Variants in SLC24A4 observed in about 807,000 individuals in gnomAD.
The protein encoded by SLC24A4 is solute carrier family 24 member 4.
Under a neutral mutation model 79.0 loss-of-function variants are expected in SLC24A4, and 53 were observed. The observed-to-expected ratio is 0.67, with a 90% CI of 0.54 to 0.84. The LOEUF (loss-of-function observed/expected upper bound fraction) is 0.84. Among genes scored for constraint, SLC24A4 ranks in the 40% least tolerant of loss-of-function variants. The probability of loss-of-function intolerance (pLI) is 0.00; values close to 1 mark genes in which losing one functional copy is unlikely to be tolerated. For missense variants in SLC24A4, 731 were observed against 822.0 expected (o/e 0.89, Z 1.35); for synonymous variants, 323 against 323.8 (o/e 1.00, Z 0.03).
intron 2 of SLC24A4, among the ~76,000 whole-genome samples, chr14:92,407,857 TTGTGTGTGTGTG>T (rs60398538): frequency 0.21 from 29,493 of 143,558 alleles, 3,125 homozygotes; most frequent in East Asian, 0.43. Context: ...CAGAGTGATA[TTGTGTGTGTGTG>T]TGTGTGTGTG....
intron 2 of SLC24A4, among the ~76,000 whole-genome samples, chr14:92,422,319 T>C (rs4900120): frequency 0.41 from 62,894 of 152,182 alleles, 13,252 homozygotes; most frequent in Non-Finnish European, 0.44. Flanking sequence ...TTCACACATA[T>C]GACTTTCACC....
At chr14:92,382,354 T>C (rs1270138798) in intron 2 of SLC24A4, among the ~76,000 whole-genome samples, 1 of 152,190 alleles carries the variant, frequency 6.6e-6, no homozygotes, top group Non-Finnish European at 1.5e-5. Context: ...GGCAAATCAG[T>C]TCACCTCTGT....
chr14:92,340,423 G>T (rs1010556908), intron 2 of SLC24A4, among the ~76,000 whole-genome samples: 1 of 152,252 alleles, frequency 6.6e-6, no homozygotes, highest in Non-Finnish European at 1.5e-5. Flanking sequence ...CTGGACAGAT[G>T]GGGAGGGTGG....
chr14:92,336,787 G>C (rs1049950323), intron 2 of SLC24A4, among the ~76,000 whole-genome samples: 1 of 151,876 alleles, frequency 6.6e-6, no homozygotes, highest in African/African-American at 2.4e-5. Flanking sequence ...CAGGGCAAGA[G>C]TGCCCTCCCT....
At chr14:92,343,604 CT>C (rs1208111836) in intron 2 of SLC24A4, among the ~76,000 whole-genome samples, 11 of 144,588 alleles carry the variant, frequency 7.6e-5, no homozygotes, top group African/African-American at 2.9e-4. Flanking sequence ...TTCTTTCTTT[CT>C]TTCTTTCTTT....
chr14:92,475,546 A>G (rs950649655), intron 12 of SLC24A4, among the ~76,000 whole-genome samples: 4 of 152,326 alleles, frequency 2.6e-5, no homozygotes, highest in South Asian at 2.1e-4. Flanking sequence ...AGAGATCACC[A>G]TGGGCTGGCG....
chr14:92,363,190 C>T (rs963915904), intron 2 of SLC24A4, among the ~76,000 whole-genome samples: 3 of 152,204 alleles, frequency 2.0e-5, no homozygotes, highest in Non-Finnish European at 2.9e-5. Context: ...GCCCGTGCCT[C>T]GAGGACCAGC....
intron 2 of SLC24A4, among the ~76,000 whole-genome samples, chr14:92,340,201 G>A: frequency 6.6e-6 from 1 of 152,266 alleles, no homozygotes. Context: ...GCACCCAGCA[G>A]GCACTTACTG....
At chr14:92,371,785 T>C (rs1258171656) in intron 2 of SLC24A4, among the ~76,000 whole-genome samples, 1 of 152,258 alleles carries the variant, frequency 6.6e-6, no homozygotes, top group Non-Finnish European at 1.5e-5. Flanking sequence ...TTCAGTATGA[T>C]GGCAGAATAA....
At chr14:92,472,653 T>C (rs953665479) in intron 12 of SLC24A4, among the ~76,000 whole-genome samples, 1 of 152,020 alleles carries the variant, frequency 6.6e-6, no homozygotes, top group Non-Finnish European at 1.5e-5. Context: ...TGTGCATATA[T>C]GTACACACCA....
At chr14:92,334,694 T>G (rs1885675069) in intron 2 of SLC24A4, among the ~76,000 whole-genome samples, 1 of 152,148 alleles carries the variant, frequency 6.6e-6, no homozygotes, top group Admixed American at 6.5e-5. Flanking sequence ...GAGTCCCAGC[T>G]CACCCCTTAC....
Position 92,421,547 on chromosome 14 carries a change from G to A in SLC24A4, c.242-12365G>A, listed in dbSNP as rs1010549152. Among the ~76,000 whole-genome samples, 12 of 151,860 alleles carry A rather than the reference G, an allele frequency of 7.9e-5. 1 individual carries two copies. In the South Asian group the frequency reaches 1.5e-3, roughly 18 times the overall value. On this transcript the variant is annotated intron_variant, in intron 2 of 16. Coordinates refer to ENST00000532405, the MANE Select transcript of SLC24A4 (RefSeq NM_153646.4). ...TTTTGAGACACAGTTTTACTCTGTC[G>A]CCCAGGCTGGAGTGCAGTGGCGTGA...
chr14:92,493,165 AG>A (rs945291563), intron 16 of SLC24A4, among the ~76,000 whole-genome samples: 1 of 152,124 alleles, frequency 6.6e-6, no homozygotes, highest in African/African-American at 2.4e-5. Flanking sequence ...CTGGGCAAGG[AG>A]GACCACATGC....
intron 13 of SLC24A4, chr14:92,484,171 C>G (rs1895232636): frequency 1.0e-6 from 1 of 985,368 alleles, no homozygotes; most frequent in Non-Finnish European, 1.2e-6. Context: ...CCCAATCACG[C>G]CTTCCCCCAT....
At chr14:92,431,693 C>T (rs1461251840) in intron 2 of SLC24A4, among the ~76,000 whole-genome samples, 1 of 152,240 alleles carries the variant, frequency 6.6e-6, no homozygotes, top group Non-Finnish European at 1.5e-5. Context: ...ATTCGTTCTC[C>T]TCCATAGCCC....
intron 2 of SLC24A4, among the ~76,000 whole-genome samples, chr14:92,405,979 T>C (rs1890352232): frequency 6.6e-6 from 1 of 152,190 alleles, no homozygotes; most frequent in Non-Finnish European, 1.5e-5. Flanking sequence ...TGAAACAAGG[T>C]AAGTCCCTTC....
intron 2 of SLC24A4, among the ~76,000 whole-genome samples, chr14:92,389,091 A>G (rs1206543762): frequency 6.6e-6 from 1 of 152,240 alleles, no homozygotes; most frequent in African/African-American, 2.4e-5. Context: ...TAAGTGAGTG[A>G]GGATGAACCC....
intron 3 of SLC24A4, among the ~76,000 whole-genome samples, chr14:92,434,550 C>G (rs1345594631): frequency 2.0e-5 from 3 of 152,142 alleles, no homozygotes; most frequent in Admixed American, 2.0e-4. Flanking sequence ...GCCAGTGATA[C>G]TCTCTCCTCA....
intron 3 of SLC24A4, among the ~76,000 whole-genome samples, chr14:92,437,016 C>A (rs369782386): frequency 6.6e-6 from 1 of 152,154 alleles, no homozygotes; most frequent in African/African-American, 2.4e-5. Context: ...TTTATTAATC[C>A]CAATGAATGA....
Sources: gnomAD v4.1 joint callset for allele counts (sites outside exome capture counted in the v4.1 genomes callset) on GRCh38, gnomAD v4.1.1 for gene constraint, MANE v1.5 for transcripts, NCBI Gene and HGNC (gene_info 2026-07-23, HGNC 2026-07-21) for gene names.